Variants in FARSB observed in about 807,000 individuals in gnomAD.
FARSB encodes phenylalanine--tRNA ligase beta subunit.
Under a neutral mutation model 69.6 loss-of-function variants are expected in FARSB, and 40 were observed. The observed-to-expected ratio is 0.57, with a 90% CI of 0.45 to 0.75. The LOEUF is 0.75. Among genes scored for constraint, FARSB ranks in the 30% least tolerant of loss-of-function variants. FARSB has a pLI of 0.00. For missense variants in FARSB, 632 were observed against 722.9 expected (o/e 0.87, Z 1.44); for synonymous variants, 235 against 247.2 (o/e 0.95, Z 0.46).
Position 222,620,785 on chromosome 2 carries a change from T to C in FARSB, c.1252-1048A>G, listed in dbSNP as rs1202864405. Among the ~76,000 whole-genome samples the C allele has an allele frequency of 9.9e-5, 15 of 152,246 alleles. No individual in the cohort carries two copies. In the East Asian group the frequency reaches 2.9e-3, roughly 29 times the overall value. ...TTAGGCAATATTGTTCATTATGCTG[T>C]TCTACAACTAGTTTTCAAAGGCTAG... On this transcript the variant is annotated intron_variant, in intron 13 of 16. Transcript: ENST00000281828.
At chr2:222,576,729 A>G (rs979505497) in intron 16 of FARSB, among the ~76,000 whole-genome samples, 1 of 152,168 alleles carries the variant, frequency 6.6e-6, no homozygotes, top group Admixed American at 6.5e-5. Context: ...GTGGGTGACA[A>G]GGCAAAGTGT....
At chr2:222,648,865 C>A in intron 1 of FARSB, 70 bp from the exon 2 acceptor site, 1 of 985,310 alleles carries the variant, frequency 1.0e-6, no homozygotes, top group East Asian at 2.4e-5. Context: ...ATACAAACTG[C>A]ATTTTCTTAT....
At chr2:222,627,440 G>A (rs901238699) in intron 10 of FARSB, among the ~76,000 whole-genome samples, 7 of 152,212 alleles carry the variant, frequency 4.6e-5, no homozygotes, top group African/African-American at 1.4e-4. Flanking sequence ...GGCCATCCCA[G>A]ATCATCCAGT....
chr2:222,587,568 A>G (rs1204446188), intron 16 of FARSB, among the ~76,000 whole-genome samples: 3 of 152,228 alleles, frequency 2.0e-5, no homozygotes, highest in Non-Finnish European at 4.4e-5. Flanking sequence ...TGAATCCAGG[A>G]GCTGGTTTTT....
intron 14 of FARSB, among the ~76,000 whole-genome samples, chr2:222,614,517 T>A (rs1322741793): frequency 6.6e-6 from 1 of 152,206 alleles, no homozygotes; most frequent in Non-Finnish European, 1.5e-5. Flanking sequence ...ACAAAGTAAT[T>A]GAAATAGACT....
intron 16 of FARSB, among the ~76,000 whole-genome samples, chr2:222,578,796 G>A (rs935231826): frequency 5.3e-5 from 8 of 151,820 alleles, no homozygotes; most frequent in Admixed American, 3.3e-4. Context: ...TGGCTAACAT[G>A]GTGAAACCCC....
intron 10 of FARSB, among the ~76,000 whole-genome samples, chr2:222,628,631 A>C (rs546196900): frequency 6.6e-6 from 1 of 152,208 alleles, no homozygotes; most frequent in Non-Finnish European, 1.5e-5. Flanking sequence ...TCAAGGTCTC[A>C]GGGACTCCAT....
intron 10 of FARSB, 47 bp from the exon 11 acceptor site, chr2:222,624,822 A>G: frequency 8.5e-7 from 1 of 1,176,218 alleles, no homozygotes; most frequent in Non-Finnish European, 1.2e-6. Flanking sequence ...CATCAGATAC[A>G]GCTTTAGAGT....
intron 16 of FARSB, among the ~76,000 whole-genome samples, chr2:222,586,690 A>G (rs1355737032): frequency 1.3e-5 from 2 of 152,220 alleles, no homozygotes; most frequent in East Asian, 3.9e-4. Flanking sequence ...GAAAACAAAA[A>G]AAAGCAGGTT....
At chr2:222,653,733 C>T (rs6740452) in intron 1 of FARSB, among the ~76,000 whole-genome samples, 86,040 of 151,320 alleles carry the variant, frequency 0.57, 26,252 homozygotes, top group Middle Eastern at 0.78. Flanking sequence ...TTGGTTTAAG[C>T]GATCCTCCGG....
chr2:222,592,946 T>C (rs1200483452), intron 16 of FARSB, among the ~76,000 whole-genome samples: 1 of 152,076 alleles, frequency 6.6e-6, no homozygotes, highest in Non-Finnish European at 1.5e-5. Context: ...GACATGAATC[T>C]TCCTTTCGTC....
intron 15 of FARSB, among the ~76,000 whole-genome samples, chr2:222,611,563 T>A (rs1690853018): frequency 6.6e-6 from 1 of 152,148 alleles, no homozygotes; most frequent in East Asian, 1.9e-4. Context: ...TTCTCCCACC[T>A]TGGCCTCCCA....
chr2:222,627,902 A>G (rs1211137215), intron 10 of FARSB, among the ~76,000 whole-genome samples: 3 of 152,234 alleles, frequency 2.0e-5, no homozygotes, highest in African/African-American at 7.2e-5. Flanking sequence ...GGAAAAGCTC[A>G]TCAAAGAATG....
intron 15 of FARSB, among the ~76,000 whole-genome samples, chr2:222,603,079 G>A (rs535112869): frequency 6.6e-6 from 1 of 152,190 alleles, no homozygotes; most frequent in East Asian, 1.9e-4. Flanking sequence ...CTGAAAGTCA[G>A]CAGTCATCAT....
At chr2:222,622,178 A>G (rs1219838627) in intron 13 of FARSB, among the ~76,000 whole-genome samples, 1 of 152,252 alleles carries the variant, frequency 6.6e-6, no homozygotes, top group African/African-American at 2.4e-5. Flanking sequence ...CCCTTGGCAC[A>G]GGGTAAACAT....
At position 222,624,751 on chromosome 2, in the gene FARSB, C is replaced by G. The variant is rs774491319; in HGVS notation, c.925G>C (p.Val309Leu). The G allele has an allele frequency of 7.5e-6, 12 of 1,604,620 alleles. No homozygotes were observed. The highest frequency in any genetic ancestry group is 1.0e-5 in the Non-Finnish European group (12 of 1,174,220). ...FPELAYRKEMVRADLINKKVG... is the reference protein window; with the variant it reads ...FPELAYRKEMLRADLINKKVG... The stretch of plus-strand genomic sequence containing the variant: ...TTTTTGTTAATTAGGTCAGCTCTCA[C>G]CATCTCCTTTCGGTAAGCTAATTCC... Residue 309 changes from valine (V) to leucine (L), a missense_variant, in exon 11 of 17, where the codon GTG becomes CTG. Transcript: ENST00000281828.
chr2:222,605,161 TTCTC>T (rs71053093), intron 15 of FARSB, among the ~76,000 whole-genome samples: 79 of 132,734 alleles, frequency 6.0e-4, no homozygotes, highest in East Asian at 3.6e-3. Context: ...AATACAAACT[TTCTC>T]TCTCTCTCTC....
chr2:222,649,746 T>C (rs1691979064), intron 1 of FARSB, among the ~76,000 whole-genome samples: 1 of 152,214 alleles, frequency 6.6e-6, no homozygotes, highest in Non-Finnish European at 1.5e-5. Context: ...AATAGTTTAT[T>C]AGCAATTAAT....
intron 15 of FARSB, among the ~76,000 whole-genome samples, chr2:222,612,017 A>G (rs1690868560): frequency 1.3e-5 from 2 of 152,242 alleles, no homozygotes; most frequent in African/African-American, 4.8e-5. Context: ...ATATATTTAT[A>G]AACATGAACA....
Sources: allele counts gnomAD v4.1 joint callset (sites outside exome capture counted in the v4.1 genomes callset), GRCh38; gene constraint gnomAD v4.1.1; transcripts MANE v1.5; gene names NCBI Gene and HGNC (gene_info 2026-07-23, HGNC 2026-07-21).